Variants in MEI1 observed in about 807,000 individuals in gnomAD.
The protein encoded by MEI1 is meiotic double-stranded break formation protein 1, also known as meiosis inhibitor protein 1.
A neutral mutation model predicts 146.2 loss-of-function variants in MEI1; 103 were observed. The ratio of observed to expected loss-of-function variants is 0.70; its 90% CI spans 0.60 to 0.83. The LOEUF is 0.83. MEI1 is among the 40% of genes least tolerant of loss of function. The probability of loss-of-function intolerance (pLI) is 0.00; values close to 1 mark genes in which losing one functional copy is unlikely to be tolerated. For missense variants in MEI1, 1,529 were observed against 1,533.0 expected (o/e 1.00, Z 0.04); for synonymous variants, 652 against 628.2 (o/e 1.04, Z -0.57).
At chr22:41,798,876 C>CAAA (rs36107725) in intron 30 of MEI1, among the ~76,000 whole-genome samples, 129 of 76,510 alleles carry the variant, frequency 1.7e-3, no homozygotes, top group East Asian at 0.012. Flanking sequence ...GACTATGTCT[C>CAAA]AAAAAAAAAA....
At chr22:41,774,244 A>G (rs2075330798) in intron 20 of MEI1, 3 of 152,412 alleles carry the variant, frequency 2.0e-5, no homozygotes, top group Middle Eastern at 3.4e-3. Flanking sequence ...CCACTGATCC[A>G]TATGGTGGGG....
chr22:41,795,893 G>A lies in MEI1; in HGVS notation c.3779+46G>A, dbSNP rs751707626. 23 of 1,612,454 alleles carry A rather than the reference G, an allele frequency of 1.4e-5. No homozygotes were observed. Among genetic ancestry groups the A allele is most frequent in the Non-Finnish European group, 1.7e-5 (20 of 1,179,156 alleles). On this transcript the variant is annotated intron_variant, in intron 30 of 30. Coordinates refer to ENST00000401548, the MANE Select transcript of MEI1 (RefSeq NM_152513.4). This position sits in a 1 kb window ranked among gnomAD's most constrained non-coding sequence, Gnocchi z 4.2. ...GATGAAGGAGATGCCAAATCACTGGGTGTTTGGGGCTTCTCTTCCTGGGCC... is the reference window on the plus strand; with the variant it reads ...GATGAAGGAGATGCCAAATCACTGGATGTTTGGGGCTTCTCTTCCTGGGCC...
At chr22:41,770,439 G>A (rs1485769222) in intron 19 of MEI1, among the ~76,000 whole-genome samples, 1 of 151,806 alleles carries the variant, frequency 6.6e-6, no homozygotes, top group Non-Finnish European at 1.5e-5. Context: ...CCCCAATCAA[G>A]ATAGTAAAAA....
chr22:41,784,739 C>T lies in MEI1; in HGVS notation c.3301C>T (p.Gln1101Ter). ...DTVLAPLRMS[Q>*]VRSLVIGLQN... is the part of the protein sequence containing the mutation. The stretch of plus-strand genomic sequence containing the variant: ...TGTCCTAGCTCCACTGCGAATGTCG[C>T]AAGTCCGGTCCCTGGTCATTGGGCT... The change falls in exon 26 of 31, where the codon CAA becomes TAA. Residue 1101 changes from glutamine (Q) to a stop codon, truncating the protein, a stop_gained. Transcript: ENST00000401548. LOFTEE classifies it high-confidence loss of function. 2 of 1,612,804 alleles carry T rather than the reference C, an allele frequency of 1.2e-6. No homozygotes were observed. Among genetic ancestry groups the T allele is most frequent in the South Asian group, 2.2e-5 (2 of 90,724 alleles).
intron 2 of MEI1, among the ~76,000 whole-genome samples, chr22:41,704,167 C>T (rs188089089): frequency 1.6e-3 from 236 of 152,188 alleles, no homozygotes; most frequent in African/African-American, 5.2e-3. Context: ...TTTAATGTGA[C>T]GGTAATGTCC....
chr22:41,724,382 G>A (rs1326453502), intron 7 of MEI1, among the ~76,000 whole-genome samples: 3 of 151,946 alleles, frequency 2.0e-5, no homozygotes, highest in Non-Finnish European at 2.9e-5. Flanking sequence ...CGTTTTGGGA[G>A]GCCAAGGCTG....
intron 24 of MEI1, among the ~76,000 whole-genome samples, chr22:41,783,096 C>T (rs765611698): frequency 6.6e-6 from 1 of 152,180 alleles, no homozygotes. Context: ...CTTCCCTGTC[C>T]TCTGGCCAGG....
At position 41,794,363 on chromosome 22, in the gene MEI1, T is replaced by C. The variant is rs1276681654; in HGVS notation, c.3428-8T>C. The stretch of plus-strand genomic sequence containing the variant: ...TTGGAAGCATTAACAACCCAGTGTT[T>C]CTTGAAGCTCTCCACGTGGCCTCCC... On this transcript the variant is annotated splice_polypyrimidine_tract_variant and splice_region_variant and intron_variant, in intron 27 of 30. Coordinates refer to ENST00000401548, the MANE Select transcript of MEI1 (RefSeq NM_152513.4). 2.5e-6 allele frequency: 4 copies of C among 1,612,724 alleles called. No homozygotes were observed. The highest frequency in any genetic ancestry group is 2.5e-6 in the Non-Finnish European group (3 of 1,178,828).
Position 41,781,399 on chromosome 22 carries a change from A to G in MEI1, c.2926+5A>G, listed in dbSNP as rs2075750651. On this transcript the variant is annotated splice_donor_5th_base_variant and intron_variant, in intron 23 of 30. Transcript: ENST00000401548. ...CACCCAGCAGTCAGAAAAGAGGTGC[A>G]GGGGCCCGGGCTGGGACAGTGAAGA... 1.9e-6 allele frequency: 3 copies of G among 1,605,412 alleles called. No homozygotes were observed. The highest frequency in any genetic ancestry group is 1.7e-5 in the Admixed American group (1 of 58,842).
At chr22:41,714,539 G>C (rs1417121906) in intron 4 of MEI1, among the ~76,000 whole-genome samples, 4 of 152,020 alleles carry the variant, frequency 2.6e-5, no homozygotes, top group Admixed American at 6.6e-5. Flanking sequence ...GCATTGAGTG[G>C]ATATGGTATG....
chr22:41,706,728 AC>A (rs1189925761), intron 3 of MEI1, among the ~76,000 whole-genome samples: 2 of 151,796 alleles, frequency 1.3e-5, no homozygotes, highest in African/African-American at 2.4e-5. Flanking sequence ...AAAAAAAAAA[AC>A]AAAAATTGTC....
chr22:41,752,916 C>G (rs2073864545), intron 16 of MEI1, among the ~76,000 whole-genome samples: 1 of 152,088 alleles, frequency 6.6e-6, no homozygotes, highest in Non-Finnish European at 1.5e-5. Context: ...TGCAGTGGCT[C>G]ATGGCTGTAA....
At chr22:41,792,579 G>C (rs1004577960) in intron 26 of MEI1, among the ~76,000 whole-genome samples, 1 of 152,062 alleles carries the variant, frequency 6.6e-6, no homozygotes, top group African/African-American at 2.4e-5. Context: ...TGGGGTGAAG[G>C]GGCAGGTCAG....
intron 15 of MEI1, among the ~76,000 whole-genome samples, chr22:41,750,502 T>C (rs1338734234): frequency 1.3e-5 from 2 of 152,078 alleles, no homozygotes; most frequent in African/African-American, 4.8e-5. Context: ...AAGGAATGAG[T>C]GCAAGATGAG....
intron 7 of MEI1, among the ~76,000 whole-genome samples, chr22:41,728,913 C>T (rs1184097259): frequency 6.6e-6 from 1 of 151,574 alleles, no homozygotes; most frequent in East Asian, 1.9e-4. Context: ...TGCCTATATT[C>T]CCAGCACTTT....
intron 14 of MEI1, among the ~76,000 whole-genome samples, chr22:41,746,450 G>T (rs1010267585): frequency 6.6e-6 from 1 of 152,174 alleles, no homozygotes; most frequent in Non-Finnish European, 1.5e-5. Context: ...AGCTTTTCTT[G>T]TGTCTTTAAT....
intron 17 of MEI1, among the ~76,000 whole-genome samples, chr22:41,756,911 C>G (rs1404460312): frequency 6.6e-6 from 1 of 152,234 alleles, no homozygotes; most frequent in Non-Finnish European, 1.5e-5. Flanking sequence ...CACAGTCCAA[C>G]TGCAGATTAC....
intron 5 of MEI1, 49 bp downstream of exon 5, chr22:41,716,195 T>A (rs917216242): frequency 7.7e-7 from 1 of 1,301,258 alleles, no homozygotes; most frequent in African/African-American, 1.5e-5. Context: ...CCTGCTTTTA[T>A]CATACTGCCA....
intron 22 of MEI1, among the ~76,000 whole-genome samples, chr22:41,779,977 G>A (rs1424534493): frequency 6.6e-6 from 1 of 152,164 alleles, no homozygotes; most frequent in African/African-American, 2.4e-5. Context: ...AGGTGAAGAT[G>A]GGGCATCTTC....
Sources: allele counts gnomAD v4.1 joint callset (sites outside exome capture counted in the v4.1 genomes callset), GRCh38; gene constraint gnomAD v4.1.1; non-coding constraint Gnocchi (gnomAD v3.1); transcripts MANE v1.5; gene names NCBI Gene and HGNC (gene_info 2026-07-23, HGNC 2026-07-21).